The following PDE3A variants were observed in gnomAD, a reference collection of about 807,000 sequenced individuals.
PDE3A encodes the protein phosphodiesterase 3A.
Under a neutral mutation model 98.3 loss-of-function variants are expected in PDE3A, and 43 were observed. The observed-to-expected ratio is 0.44, with a 90% CI of 0.34 to 0.56. The LOEUF (loss-of-function observed/expected upper bound fraction) is 0.56, where lower values mean the gene tolerates loss of function less well. Ranked by LOEUF, PDE3A falls within the 20% of genes least tolerant of loss-of-function variation. The pLI is 0.01. For synonymous variants in PDE3A, 663 were observed against 567.9 expected (o/e 1.17, Z -2.38); for missense variants, 1,427 against 1,440.7 (o/e 0.99, Z 0.15).
intron 1 of PDE3A, among the ~76,000 whole-genome samples, chr12:20,462,258 AG>A (rs1337591326): frequency 6.6e-6 from 1 of 152,196 alleles, no homozygotes. Flanking sequence ...TGGGAGGCTA[AG>A]ATGGGCAGAT....
intron 10 of PDE3A, among the ~76,000 whole-genome samples, chr12:20,640,679 C>A (rs1011284742): frequency 1.3e-5 from 2 of 152,026 alleles, no homozygotes; most frequent in Non-Finnish European, 2.9e-5. Context: ...GTTAAATTTT[C>A]ATTATGTAGC....
intron 1 of PDE3A, among the ~76,000 whole-genome samples, chr12:20,424,864 C>T (rs1488998248): frequency 1.3e-5 from 2 of 152,194 alleles, no homozygotes; most frequent in South Asian, 2.1e-4. Flanking sequence ...TCCTAAATTT[C>T]GTTCATTGTA....
intron 1 of PDE3A, among the ~76,000 whole-genome samples, chr12:20,533,732 C>CCCCG (rs769621979): frequency 0.022 from 3,288 of 149,556 alleles, 49 homozygotes; most frequent in Middle Eastern, 0.095. Flanking sequence ...CGCCCCGCCC[C>CCCCG]CCTTTGGACT....
At chr12:20,374,615 A>T (rs1007684689) in intron 1 of PDE3A, among the ~76,000 whole-genome samples, 4 of 152,022 alleles carry the variant, frequency 2.6e-5, no homozygotes. Context: ...TCTGAGAAAT[A>T]ATCTCTTCAG....
intron 9 of PDE3A, 129 bp downstream of exon 9, chr12:20,637,366 A>T: frequency 1.8e-6 from 1 of 565,586 alleles, no homozygotes; most frequent in Non-Finnish European, 3.0e-6. Flanking sequence ...AGAACACAAC[A>T]TTCTGTAGAT....
chr12:20,375,194 A>G (rs1223675462), intron 1 of PDE3A, among the ~76,000 whole-genome samples: 1 of 152,056 alleles, frequency 6.6e-6, no homozygotes, highest in Non-Finnish European at 1.5e-5. Flanking sequence ...GAAGACCCTC[A>G]GAAAGTCCAG....
At chr12:20,556,737 A>T (rs1565588182) in intron 2 of PDE3A, 27 bp downstream of exon 2, 1 of 1,575,252 alleles carries the variant, frequency 6.3e-7, no homozygotes, top group Non-Finnish European at 8.7e-7. Flanking sequence ...TTTCTTTTTC[A>T]CGTTTCGTTT....
Position 20,654,224 on chromosome 12 carries a change from T to C in PDE3A, c.3184+19T>C. The C allele has an allele frequency of 1.2e-6, 2 of 1,610,504 alleles. No individual in the cohort carries two copies. The highest frequency in any genetic ancestry group is 1.7e-6 in the Non-Finnish European group (2 of 1,177,278). ...TCTCCAAGTAAGTTCTAAAACCTAG[T>C]TCTAATGTGTTTTCCCTGGGATTGC... On this transcript the variant is annotated intron_variant, in intron 15 of 15. Transcript: ENST00000359062.
At chr12:20,500,247 G>A (rs1449291107) in intron 1 of PDE3A, among the ~76,000 whole-genome samples, 1 of 152,136 alleles carries the variant, frequency 6.6e-6, no homozygotes, top group Non-Finnish European at 1.5e-5. Context: ...TTCTTGAAAA[G>A]AGAACTCAGA....
intron 3 of PDE3A, among the ~76,000 whole-genome samples, chr12:20,615,396 A>G (rs1253115968): frequency 6.6e-6 from 1 of 152,144 alleles, no homozygotes; most frequent in Non-Finnish European, 1.5e-5. Flanking sequence ...GACATTACCC[A>G]TATCTCTGTT....
chr12:20,523,836 A>G (rs936487460), intron 1 of PDE3A, among the ~76,000 whole-genome samples: 9 of 152,240 alleles, frequency 5.9e-5, no homozygotes, highest in African/African-American at 1.9e-4. Flanking sequence ...ACTTCGTAGA[A>G]AAGTTCTTTG....
chr12:20,554,228 GT>G (rs532337613), intron 1 of PDE3A, among the ~76,000 whole-genome samples: 3 of 150,400 alleles, frequency 2.0e-5, no homozygotes, highest in East Asian at 3.9e-4. Context: ...TTTTTAAAGG[GT>G]TTTTTTTCAC....
intron 5 of PDE3A, among the ~76,000 whole-genome samples, chr12:20,623,572 A>G (rs144655742): frequency 7.5e-4 from 114 of 152,238 alleles, no homozygotes; most frequent in African/African-American, 2.4e-3. Context: ...AGTGAACTAA[A>G]GACAATTTGA....
chr12:20,428,315 T>C (rs924505875), intron 1 of PDE3A, among the ~76,000 whole-genome samples: 1 of 152,200 alleles, frequency 6.6e-6, no homozygotes, highest in African/African-American at 2.4e-5. Context: ...AGTCTCGCTC[T>C]GTCGCCCAGG....
intron 1 of PDE3A, among the ~76,000 whole-genome samples, chr12:20,384,343 G>A (rs963205433): frequency 1.3e-5 from 2 of 151,486 alleles, no homozygotes; most frequent in South Asian, 2.1e-4. Context: ...TAGTTTGTTA[G>A]GATACTATAA....
chr12:20,595,559 AAGAC>A (rs1943446168), intron 2 of PDE3A, among the ~76,000 whole-genome samples: 1 of 152,208 alleles, frequency 6.6e-6, no homozygotes, highest in Non-Finnish European at 1.5e-5. Context: ...CAGCAGCCAC[AAGAC>A]ATGCTTGATG....
At chr12:20,518,097 T>A (rs10770666) in intron 1 of PDE3A, among the ~76,000 whole-genome samples, 52,428 of 152,016 alleles carry the variant, frequency 0.34, 9,522 homozygotes, top group East Asian at 0.55. Flanking sequence ...CAAAATATTT[T>A]TATCTCCCTA....
At chr12:20,535,270 C>T (rs58362327) in intron 1 of PDE3A, among the ~76,000 whole-genome samples, 42,479 of 152,118 alleles carry the variant, frequency 0.28, 7,036 homozygotes, top group East Asian at 0.54. Flanking sequence ...TAAAACCCAA[C>T]TCAAGCATTA....
At chr12:20,466,655 G>T (rs1336741998) in intron 1 of PDE3A, among the ~76,000 whole-genome samples, 2 of 152,038 alleles carry the variant, frequency 1.3e-5, no homozygotes, top group Admixed American at 1.3e-4. Flanking sequence ...TGTGTTTCTG[G>T]CTCTGTTTTT....
Sources: gnomAD v4.1 joint callset for allele counts (sites outside exome capture counted in the v4.1 genomes callset) on GRCh38, gnomAD v4.1.1 for gene constraint, MANE v1.5 for transcripts, NCBI Gene and HGNC (gene_info 2026-07-23, HGNC 2026-07-21) for gene names.